The following TLN2 variants were observed in gnomAD, a reference collection of about 807,000 sequenced individuals.
TLN2 encodes talin-2.
In TLN2, 118 loss-of-function variants were observed where a neutral mutation model predicts 294.7. The ratio of observed to expected loss-of-function variants is 0.40; its 90% CI spans 0.34 to 0.47. The LOEUF (loss-of-function observed/expected upper bound fraction) is 0.47, where lower values mean the gene tolerates loss of function less well. TLN2 is among the 20% of genes least tolerant of loss of function. The probability of loss-of-function intolerance (pLI) is 0.84; values close to 1 mark genes in which losing one functional copy is unlikely to be tolerated. For synonymous variants in TLN2, 1,431 were observed against 1,304.5 expected (o/e 1.10, Z -2.09); for missense variants, 3,083 against 3,282.2 (o/e 0.94, Z 1.48).
intron 32 of TLN2, among the ~76,000 whole-genome samples, chr15:62,740,999 G>A (rs2061293177): frequency 6.6e-6 from 1 of 152,140 alleles, no homozygotes; most frequent in Non-Finnish European, 1.5e-5. Context: ...AGCCTTTTCA[G>A]TAGAGACTTG....
In TLN2 at chr15:62,673,911, T is replaced by A. The variant is rs371709788; in HGVS notation, c.852+21T>A. On this transcript the variant is annotated intron_variant, in intron 10 of 58. Transcript: ENST00000636159. ...TTCAGGTATTGGAAATGTACAGAAC[T>A]TTATTATTCTCCTCACTCCCCATCC... 30 of 1,595,902 alleles carry A rather than the reference T, an allele frequency of 1.9e-5. No homozygotes were observed. In the African/African-American group the frequency reaches 3.5e-4, roughly 19 times the overall value.
intron 54 of TLN2, chr15:62,823,893 C>G (rs2067801922): frequency 2.1e-6 from 1 of 479,242 alleles, no homozygotes; most frequent in Non-Finnish European, 4.3e-6. Context: ...GTGACCACCC[C>G]CTGCAGCCGT....
intron 46 of TLN2, 47 bp from the exon 47 acceptor site, chr15:62,796,080 G>C (rs1429830626): frequency 4.4e-6 from 7 of 1,601,392 alleles, no homozygotes; most frequent in South Asian, 2.2e-5. Context: ...TTTAGGTCCT[G>C]TTCTCTCCAT....
In TLN2 at chr15:62,582,195, TACACACACACAC is replaced by T. The variant is rs67748452; in HGVS notation, c.-237-7450_-237-7439del. Among the ~76,000 whole-genome samples the T allele has an allele frequency of 3.3e-3, 219 of 66,500 alleles. 2 individuals carry two copies. Among genetic ancestry groups the T allele is most frequent in the African/African-American group, 7.9e-3 (141 of 17,768 alleles). The allele number at this position is 66,500 out of a possible 152,430, so 43.6% of individuals were successfully genotyped here. On this transcript the variant is annotated intron_variant, in intron 1 of 58. Coordinates refer to ENST00000636159, the MANE Select transcript of TLN2 (RefSeq NM_015059.3). ...CATAACTTCAGTGCATGTGTATGCA[TACACACACACAC>T]ACACACACACACACACACACACACA...
chr15:62,746,172 A>T (rs1214931167), intron 32 of TLN2, among the ~76,000 whole-genome samples: 1 of 152,216 alleles, frequency 6.6e-6, no homozygotes, highest in South Asian at 2.1e-4. Flanking sequence ...AAAAACACAG[A>T]TAAACAGGAA....
At chr15:62,546,096 A>G (rs1303335691) in intron 1 of TLN2, among the ~76,000 whole-genome samples, 4 of 152,166 alleles carry the variant, frequency 2.6e-5, no homozygotes, top group African/African-American at 9.7e-5. Context: ...GGGAAGAGCA[A>G]GTCCTCTGCT....
intron 11 of TLN2, among the ~76,000 whole-genome samples, chr15:62,676,500 A>C (rs150780288): frequency 5.7e-4 from 87 of 152,362 alleles, no homozygotes; most frequent in Admixed American, 4.6e-3. Context: ...TCTAGGTAAC[A>C]GTGACTCCAC....
intron 34 of TLN2, 48 bp from the exon 35 acceptor site, chr15:62,752,257 T>G: frequency 6.2e-7 from 1 of 1,606,144 alleles, no homozygotes; most frequent in Admixed American, 1.7e-5. Flanking sequence ...TACCCCTTGG[T>G]TTGAGGCAAT....
chr15:62,443,698 G>A (rs1477529659), intron 1 of TLN2, among the ~76,000 whole-genome samples: 3 of 152,160 alleles, frequency 2.0e-5, no homozygotes, highest in Non-Finnish European at 4.4e-5. Flanking sequence ...AGTCTGTAGG[G>A]TGTGTATAAA....
At chr15:62,695,607 A>G (rs1259329191) in intron 14 of TLN2, among the ~76,000 whole-genome samples, 2 of 152,334 alleles carry the variant, frequency 1.3e-5, no homozygotes, top group South Asian at 2.1e-4. Context: ...GCTTAGCTGT[A>G]GTAGTTTCTC....
chr15:62,538,240 C>A (rs189093434), intron 1 of TLN2, among the ~76,000 whole-genome samples: 13 of 152,094 alleles, frequency 8.5e-5, no homozygotes, highest in East Asian at 3.9e-4. Context: ...CACACACACA[C>A]AAAAACACCA....
chr15:62,581,756 A>G (rs1266752253), intron 1 of TLN2, among the ~76,000 whole-genome samples: 1 of 152,102 alleles, frequency 6.6e-6, no homozygotes, highest in African/African-American at 2.4e-5. Context: ...AAAAGAGTGA[A>G]TAGTGGGCCG....
intron 1 of TLN2, among the ~76,000 whole-genome samples, chr15:62,428,661 A>G (rs1019709812): frequency 6.6e-6 from 1 of 152,178 alleles, no homozygotes. Flanking sequence ...GCTTTTGAGA[A>G]GAGGAAAAGC....
intron 27 of TLN2, among the ~76,000 whole-genome samples, chr15:62,726,060 C>T (rs1250227971): frequency 6.6e-6 from 1 of 152,072 alleles, no homozygotes; most frequent in Non-Finnish European, 1.5e-5. Flanking sequence ...TTGGGATTGC[C>T]TCCTGGGCCC....
At chr15:62,587,812 T>C (rs982876910) in intron 1 of TLN2, among the ~76,000 whole-genome samples, 2 of 152,178 alleles carry the variant, frequency 1.3e-5, no homozygotes, top group African/African-American at 4.8e-5. Flanking sequence ...CCTATAACAT[T>C]GGTTATTTAT....
At chr15:62,421,717 C>T (rs1351572080) in intron 1 of TLN2, among the ~76,000 whole-genome samples, 1 of 151,904 alleles carries the variant, frequency 6.6e-6, no homozygotes, top group Non-Finnish European at 1.5e-5. Context: ...GAAAATAACC[C>T]AGGCTTGATG....
rs199830852 is a variant in TLN2, at chr15:62,800,676, G to T, written c.6384G>T (p.Ser2128=). 6.8e-6 allele frequency: 11 copies of T among 1,614,136 alleles called. No individual in the cohort carries two copies. The highest frequency in any genetic ancestry group is 5.3e-5 in the African/African-American group (4 of 75,036). ...AGGTGATGGTGACCAATGTCACCTC[G>T]CTCCTCAAGACTGTAAAGGCAGTGG... ...AAKVMVTNVT[S]LLKTVKAVED... is the part of the protein sequence containing the mutation. The change falls in exon 50 of 59, where the codon TCG becomes TCT. Residue 2128 remains serine, a synonymous_variant. Coordinates refer to ENST00000636159, the MANE Select transcript of TLN2 (RefSeq NM_015059.3).
chr15:62,789,310 C>T (rs866715553), intron 45 of TLN2, among the ~76,000 whole-genome samples: 4 of 152,130 alleles, frequency 2.6e-5, no homozygotes, highest in African/African-American at 9.7e-5. Context: ...ACACCAAAGG[C>T]CTTTGCAGCT....
chr15:62,568,578 G>A (rs2043606701), intron 1 of TLN2, among the ~76,000 whole-genome samples: 1 of 152,180 alleles, frequency 6.6e-6, no homozygotes, highest in Non-Finnish European at 1.5e-5. Context: ...CAACGGAGAT[G>A]GATAATGACA....
Sources: gnomAD v4.1 joint callset for allele counts (sites outside exome capture counted in the v4.1 genomes callset) on GRCh38, gnomAD v4.1.1 for gene constraint, MANE v1.5 for transcripts, NCBI Gene and HGNC (gene_info 2026-07-23, HGNC 2026-07-21) for gene names.